Variants in ARMC9 observed in about 807,000 individuals in gnomAD.
ARMC9 encodes the protein lisH domain-containing protein ARMC9.
In ARMC9, 94 loss-of-function variants were observed where a neutral mutation model predicts 107.0. That is an observed-to-expected ratio of 0.88 (90% CI 0.74 to 1.04). The LOEUF is 1.04. Among genes scored for constraint, ARMC9 ranks in the 50% least tolerant of loss-of-function variants. ARMC9 has a pLI of 0.00. For missense variants in ARMC9, 942 were observed against 1,030.1 expected (o/e 0.91, Z 1.17); for synonymous variants, 380 against 396.9 (o/e 0.96, Z 0.51).
At chr2:231,206,390 A>C in intron 2 of ARMC9, 101 bp downstream of exon 2, 1 of 980,252 alleles carries the variant, frequency 1.0e-6, no homozygotes, top group Non-Finnish European at 1.5e-6. Context: ...TGTTTCTTCT[A>C]TTGTTATGTT....
At chr2:231,339,921 G>A (rs2044394183) in intron 20 of ARMC9, among the ~76,000 whole-genome samples, 1 of 152,208 alleles carries the variant, frequency 6.6e-6, no homozygotes, top group Non-Finnish European at 1.5e-5. Context: ...TGACAAGAGT[G>A]AAACTCTGTC....
At chr2:231,208,973 C>T (rs2125310830) in intron 3 of ARMC9, among the ~76,000 whole-genome samples, 1 of 152,042 alleles carries the variant, frequency 6.6e-6, no homozygotes, top group African/African-American at 2.4e-5. Context: ...ACGATCTCGG[C>T]TCATCACCAC....
chr2:231,224,370 T>G (rs1189737353), intron 6 of ARMC9, among the ~76,000 whole-genome samples: 1 of 152,316 alleles, frequency 6.6e-6, no homozygotes, highest in Non-Finnish European at 1.5e-5. Flanking sequence ...GCGAATCACC[T>G]GAGCCCAGGA....
At chr2:231,261,329 C>T (rs952276211) in intron 11 of ARMC9, among the ~76,000 whole-genome samples, 2 of 152,178 alleles carry the variant, frequency 1.3e-5, no homozygotes, top group Non-Finnish European at 2.9e-5. Context: ...GTGGACATTG[C>T]GTAAATTTTT....
chr2:231,219,426 TAC>T lies in ARMC9; in HGVS notation c.504+2635_504+2636del, dbSNP rs2033878924. On this transcript the variant is annotated intron_variant, in intron 5 of 24. Coordinates refer to ENST00000611582, the MANE Select transcript of ARMC9 (RefSeq NM_001352754.2). ...TCAGATAGGATTAGAATACTAGGTT[TAC>T]AGTTATTGTCTCTTACTACATTGAA... Among the ~76,000 whole-genome samples the T allele has an allele frequency of 6.6e-5, 10 of 152,368 alleles. No homozygotes were observed. In the South Asian group the frequency reaches 2.1e-3, roughly 32 times the overall value.
In ARMC9 at chr2:231,282,040, T is replaced by A. The variant is rs767625973; in HGVS notation, c.1552-19T>A. ...ATTTGAAAACTTGCAAATAACTGGT[T>A]TTTTTCCTCCCCTTAAAGATACAGC... On this transcript the variant is annotated intron_variant, in intron 16 of 24. Transcript: ENST00000611582. 2 of 1,613,148 alleles carry A rather than the reference T, an allele frequency of 1.2e-6. No individual in the cohort carries two copies. Among genetic ancestry groups the A allele is most frequent in the Non-Finnish European group, 1.7e-6 (2 of 1,179,164 alleles).
Position 231,344,833 on chromosome 2 carries a change from A to G in ARMC9, c.1879-142A>G, listed in dbSNP as rs1559491364. On this transcript the variant is annotated intron_variant, in intron 20 of 24. Coordinates refer to ENST00000611582, the MANE Select transcript of ARMC9 (RefSeq NM_001352754.2). ...CCCCACAATTTCTGTTTACCTGAAT[A>G]ATTTGTGACATGATCCTTCCTCATT... 12 of 881,080 alleles carry G rather than the reference A, an allele frequency of 1.4e-5. No homozygotes were observed. In the Admixed American group the frequency reaches 3.1e-4, roughly 23 times the overall value. 54.6% of individuals were successfully genotyped at this position (881,080 alleles called of 1,614,324 possible). A position where few individuals can be genotyped will look rare whatever the true frequency, so the allele number is the denominator to read the frequency against.
At chr2:231,199,452 G>T (rs1053042040) in intron 1 of ARMC9, among the ~76,000 whole-genome samples, 5 of 152,158 alleles carry the variant, frequency 3.3e-5, no homozygotes, top group African/African-American at 1.2e-4. Context: ...CCAGACTTTG[G>T]GAAATACTGT....
chr2:231,355,932 C>G lies in ARMC9; in HGVS notation c.2129C>G (p.Ser710Ter). The change falls in exon 22 of 25, where the codon TCA becomes TGA. Residue 710 changes from serine to a stop codon, truncating the protein, a stop_gained and splice_region_variant. Coordinates refer to ENST00000611582, the MANE Select transcript of ARMC9 (RefSeq NM_001352754.2). LOFTEE classifies it high-confidence loss of function. ...PSTPESCVSS[S>*]SAIIAKPGEW... ...ACCCCGGAGTCCTGCGTCTCCTCTT[C>G]ATGTAAGAATGTGGGCAGCACACTG... 1 of 1,534,974 alleles carries G rather than the reference C, an allele frequency of 6.5e-7. No individual in the cohort carries two copies. The highest frequency in any genetic ancestry group is 8.7e-7 in the Non-Finnish European group (1 of 1,146,016).
intron 22 of ARMC9, among the ~76,000 whole-genome samples, chr2:231,359,085 T>C (rs113019395): frequency 6.4e-4 from 67 of 103,968 alleles, no homozygotes; most frequent in African/African-American, 5.5e-3. Flanking sequence ...GTCTCCTGTT[T>C]TTTTTTTTTT....
intron 17 of ARMC9, among the ~76,000 whole-genome samples, chr2:231,289,453 C>A (rs1274921730): frequency 6.6e-6 from 1 of 152,188 alleles, no homozygotes; most frequent in Non-Finnish European, 1.5e-5. Flanking sequence ...AGTGATAGAG[C>A]AAGACTCCAT....
At chr2:231,271,378 C>T (rs2039317080) in intron 13 of ARMC9, among the ~76,000 whole-genome samples, 1 of 152,116 alleles carries the variant, frequency 6.6e-6, no homozygotes, top group Admixed American at 6.6e-5. Flanking sequence ...GTAATGAATG[C>T]ATCTTCTATA....
chr2:231,234,874 G>A (rs1056334619), intron 7 of ARMC9, among the ~76,000 whole-genome samples: 1 of 152,212 alleles, frequency 6.6e-6, no homozygotes, highest in African/African-American at 2.4e-5. Flanking sequence ...CCAAAGTGTT[G>A]GGATTACAGG....
intron 17 of ARMC9, among the ~76,000 whole-genome samples, 190 bp from the exon 18 acceptor site, chr2:231,291,163 C>T (rs2040960312): frequency 1.3e-5 from 2 of 152,260 alleles, no homozygotes; most frequent in African/African-American, 2.4e-5. Flanking sequence ...TGGCCCTGCC[C>T]TGCTGGGAGA....
chr2:231,207,054 G>A (rs1024064552), intron 2 of ARMC9, among the ~76,000 whole-genome samples: 2 of 152,224 alleles, frequency 1.3e-5, no homozygotes, highest in Non-Finnish European at 2.9e-5. Context: ...GCCTAGGCTG[G>A]AGTGCAGTGG....
intron 9 of ARMC9, among the ~76,000 whole-genome samples, chr2:231,242,235 G>C (rs2036368185): frequency 6.6e-6 from 1 of 151,796 alleles, no homozygotes; most frequent in Non-Finnish European, 1.5e-5. Flanking sequence ...AATCTCTTGG[G>C]TCAGCAGTTT....
At chr2:231,336,187 T>C (rs181589389) in intron 20 of ARMC9, among the ~76,000 whole-genome samples, 71 of 152,198 alleles carry the variant, frequency 4.7e-4, no homozygotes, top group Admixed American at 1.5e-3. Flanking sequence ...GATATAAACA[T>C]TTATGACAGA....
Position 231,372,430 on chromosome 2 carries a change from C to T in ARMC9, c.*895C>T, listed in dbSNP as rs912733357. ...CTCTTCAAAGCTCTGCTCTTCTGCA[C>T]ACGTTTTTTGAAGGCCTTAAAAAGG... is the stretch of plus-strand genomic sequence containing the variant. On this transcript the variant is annotated 3_prime_UTR_variant, in exon 25 of 25. Transcript: ENST00000611582. The T allele has an allele frequency of 6.6e-6, 1 of 152,002 alleles. No homozygotes were observed. Among genetic ancestry groups the T allele is most frequent in the Admixed American group, 6.5e-5 (1 of 15,280 alleles). The allele number at this position is 152,002 out of a possible 1,614,324, so 9.4% of individuals were successfully genotyped here. A position where few individuals can be genotyped will look rare whatever the true frequency, so the allele number is the denominator to read the frequency against.
At chr2:231,269,884 A>G (rs13402646) in intron 12 of ARMC9, among the ~76,000 whole-genome samples, 2,065 of 32,892 alleles carry the variant, frequency 0.063, 62 homozygotes, top group African/African-American at 0.19. Context: ...CTCCCCCCCT[A>G]TTTGTTTTGG....
Sources: allele counts gnomAD v4.1 joint callset (sites outside exome capture counted in the v4.1 genomes callset), GRCh38; gene constraint gnomAD v4.1.1; transcripts MANE v1.5; gene names NCBI Gene and HGNC (gene_info 2026-07-23, HGNC 2026-07-21).